C10orf90: variants seen among roughly 807,000 people sequenced by gnomAD.
The protein encoded by C10orf90 is chromosome 10 open reading frame 90, also known as (E2-independent) E3 ubiquitin-conjugating enzyme FATS.
A neutral mutation model predicts 62.5 loss-of-function variants in C10orf90; 56 were observed. The observed-to-expected ratio is 0.90, with a 90% CI of 0.72 to 1.12. The LOEUF (loss-of-function observed/expected upper bound fraction) is 1.12, where lower values mean the gene tolerates loss of function less well. Ranked by LOEUF, C10orf90 falls within the 50% of genes most tolerant of loss-of-function variation. The probability of loss-of-function intolerance (pLI) is 0.00; values close to 1 mark genes in which losing one functional copy is unlikely to be tolerated. For synonymous variants in C10orf90, 386 were observed against 340.4 expected, an observed-to-expected ratio of 1.13 and a Z score of -1.47; for missense variants, 970 against 880.4, an observed-to-expected ratio of 1.10 and a Z score of -1.29.
chr10:126,524,806 G>A (rs1863885097), intron 2 of C10orf90: 3 of 985,532 alleles, frequency 3.0e-6, no homozygotes, highest in South Asian at 9.4e-5. Context: ...GGCCATCGAG[G>A]GAGGGCATGT....
intron 4 of C10orf90, among the ~76,000 whole-genome samples, chr10:126,495,177 A>G (rs1301396039): frequency 2.6e-5 from 4 of 152,172 alleles, no homozygotes; most frequent in Non-Finnish European, 5.9e-5. Context: ...TCCCCCAAAC[A>G]GAGCTCTTAA....
intron 2 of C10orf90, among the ~76,000 whole-genome samples, chr10:126,594,458 C>T (rs779270254): frequency 3.9e-5 from 6 of 152,154 alleles, no homozygotes; most frequent in Non-Finnish European, 8.8e-5. Context: ...TCACTTGCAG[C>T]AGTCAGCAAA....
chr10:126,531,755 T>C (rs1279222310), intron 2 of C10orf90, among the ~76,000 whole-genome samples: 1 of 152,042 alleles, frequency 6.6e-6, no homozygotes, highest in Non-Finnish European at 1.5e-5. Flanking sequence ...AAATAACAAC[T>C]ATAAAAGAAA....
intron 4 of C10orf90, among the ~76,000 whole-genome samples, chr10:126,472,862 G>A (rs1195882543): frequency 6.6e-6 from 1 of 152,100 alleles, no homozygotes; most frequent in Non-Finnish European, 1.5e-5. Flanking sequence ...GTGCATGAGT[G>A]AAGAAGGGAG....
intron 4 of C10orf90, among the ~76,000 whole-genome samples, chr10:126,467,486 C>T (rs913871775): frequency 3.3e-5 from 5 of 152,160 alleles, no homozygotes; most frequent in South Asian, 2.1e-4. Context: ...TGCTAAACTG[C>T]ATCACCCCAC....
Position 126,495,987 on chromosome 10 carries a change from G to C in C10orf90, c.1534+7970C>G, listed in dbSNP as rs147295409. 6.5e-3 allele frequency among the ~76,000 whole-genome samples: 997 copies of C among 152,268 alleles called. 13 individuals are homozygous for C. Among genetic ancestry groups the C allele is most frequent in the African/African-American group, 0.022 (931 of 41,558 alleles). On this transcript the variant is annotated intron_variant, in intron 4 of 9. Transcript: ENST00000488181. ...AAAGGACAAGCAAGCAACTGGTGGA[G>C]TATAAATGGAGCCTCAGATGGGCCC...
At chr10:126,589,972 C>G (rs1262041493) in intron 2 of C10orf90, among the ~76,000 whole-genome samples, 11 of 152,110 alleles carry the variant, frequency 7.2e-5, no homozygotes, top group Admixed American at 7.2e-4. Context: ...AAAACACACA[C>G]AGGCTCAATT....
At chr10:126,606,476 C>T (rs899409565) in intron 2 of C10orf90, among the ~76,000 whole-genome samples, 9 of 152,080 alleles carry the variant, frequency 5.9e-5, no homozygotes, top group Non-Finnish European at 1.3e-4. Context: ...TACTATAAGT[C>T]GTTTATGCCA....
At chr10:126,539,630 T>G (rs1434418504) in intron 2 of C10orf90, among the ~76,000 whole-genome samples, 4 of 152,164 alleles carry the variant, frequency 2.6e-5, no homozygotes, top group Admixed American at 2.6e-4. Flanking sequence ...GGAAAAAAAC[T>G]TTAATAAAGC....
intron 4 of C10orf90, among the ~76,000 whole-genome samples, chr10:126,503,687 A>G (rs1862531809): frequency 6.6e-6 from 1 of 152,084 alleles, no homozygotes; most frequent in Non-Finnish European, 1.5e-5. Context: ...GGAGGCCCTC[A>G]TTTCCTTCTC....
At chr10:126,512,288 AGT>A (rs377341185) in intron 3 of C10orf90, among the ~76,000 whole-genome samples, 17,467 of 144,676 alleles carry the variant, frequency 0.12, 1,220 homozygotes, top group South Asian at 0.28. Flanking sequence ...GAGAGACAGA[AGT>A]GTGTGTGTGT....
chr10:126,555,230 T>C (rs1412600378), intron 2 of C10orf90, among the ~76,000 whole-genome samples: 2 of 152,118 alleles, frequency 1.3e-5, no homozygotes, highest in African/African-American at 4.8e-5. Context: ...TGAATGTTTA[T>C]GGGATAAATG....
chr10:126,565,052 TATATAAAA>T (rs1564873880), intron 2 of C10orf90, among the ~76,000 whole-genome samples: 32 of 32,870 alleles, frequency 9.7e-4, no homozygotes, highest in East Asian at 1.9e-3. Context: ...TAATATATAA[TATATAAAA>T]TATATATTAT....
Position 126,426,021 on chromosome 10 carries a change from A to G in C10orf90, c.2322T>C (p.Ser774=). The G allele has an allele frequency of 6.2e-7, 1 of 1,614,178 alleles. No homozygotes were observed. Among genetic ancestry groups the G allele is most frequent in the South Asian group, 1.1e-5 (1 of 91,086 alleles). ...TGAAGACTTCGGCACGGAGTCTGTT[A>G]CTTTGTAAGATCACCCTTTTCCTTT... ...EEQRKRVILQ[S]NRLRAEVFKK... The change falls in exon 9 of 10, where the codon AGT becomes AGC. Residue 774 remains serine, a synonymous_variant. Coordinates refer to ENST00000488181, the MANE Select transcript of C10orf90 (RefSeq NM_001350921.2).
chr10:126,549,618 A>G (rs1477242716), intron 2 of C10orf90, among the ~76,000 whole-genome samples: 5 of 152,204 alleles, frequency 3.3e-5, no homozygotes, highest in African/African-American at 9.7e-5. Flanking sequence ...TTCCTTAAAA[A>G]ACTAAATATG....
At chr10:126,668,058 G>A (rs1846669033) in intron 1 of C10orf90, among the ~76,000 whole-genome samples, 1 of 152,164 alleles carries the variant, frequency 6.6e-6, no homozygotes, top group Admixed American at 6.5e-5. Flanking sequence ...TTCAGCTGGT[G>A]AGAGGTGGCT....
intron 2 of C10orf90, among the ~76,000 whole-genome samples, chr10:126,620,783 T>C (rs1188834974): frequency 6.6e-6 from 1 of 151,866 alleles, no homozygotes; most frequent in Non-Finnish European, 1.5e-5. Context: ...GCTATTCATT[T>C]GTTTTCATTT....
chr10:126,567,892 T>C (rs1844425879), intron 2 of C10orf90, among the ~76,000 whole-genome samples: 1 of 151,970 alleles, frequency 6.6e-6, no homozygotes, highest in Non-Finnish European at 1.5e-5. Flanking sequence ...ATTTGTAAGA[T>C]GCGGCAGGTT....
intron 3 of C10orf90, among the ~76,000 whole-genome samples, chr10:126,509,307 C>G (rs1442183407): frequency 6.6e-6 from 1 of 152,146 alleles, no homozygotes; most frequent in African/African-American, 2.4e-5. Context: ...TTTGCCCTCT[C>G]AAAATACCAA....
Sources: gnomAD v4.1 joint callset for allele counts (sites outside exome capture counted in the v4.1 genomes callset) on GRCh38, gnomAD v4.1.1 for gene constraint, MANE v1.5 for transcripts, NCBI Gene and HGNC (gene_info 2026-07-23, HGNC 2026-07-21) for gene names.